Variants in NTM observed in about 807,000 individuals in gnomAD.
NTM encodes the protein IgLON family member 2.
NTM carries 13 observed loss-of-function variants against 42.1 expected under a neutral mutation model. The ratio of observed to expected loss-of-function variants is 0.31; its 90% CI spans 0.20 to 0.49. The LOEUF is 0.49. Ranked by LOEUF, NTM falls within the 20% of genes least tolerant of loss-of-function variation. NTM has a pLI of 0.99. For missense variants in NTM, 373 were observed against 452.8 expected (o/e 0.82, Z 1.60); for synonymous variants, 187 against 179.2 (o/e 1.04, Z -0.35).
chr11:132,076,930 C>G (rs2058443362), intron 2 of NTM, among the ~76,000 whole-genome samples: 1 of 151,880 alleles, frequency 6.6e-6, no homozygotes, highest in South Asian at 2.1e-4. Flanking sequence ...GTCTTTTTTT[C>G]CAAAACATAA....
intron 1 of NTM, among the ~76,000 whole-genome samples, chr11:131,557,973 C>G (rs1246668293): frequency 6.6e-6 from 1 of 152,274 alleles, no homozygotes; most frequent in African/African-American, 2.4e-5. Context: ...AAAACAGTTA[C>G]CTACCAATGA....
chr11:132,051,641 G>A (rs1003919349), intron 2 of NTM, among the ~76,000 whole-genome samples: 3 of 152,154 alleles, frequency 2.0e-5, no homozygotes, highest in Admixed American at 1.3e-4. Flanking sequence ...CTGCTGGCAG[G>A]ACTGGCACAG....
At chr11:131,623,597 T>C (rs2062793304) in intron 1 of NTM, among the ~76,000 whole-genome samples, 2 of 152,196 alleles carry the variant, frequency 1.3e-5, no homozygotes, top group Non-Finnish European at 2.9e-5. Flanking sequence ...AGTAACTAAA[T>C]AAACAACTAA....
intron 1 of NTM, among the ~76,000 whole-genome samples, chr11:131,675,708 T>C (rs1472961777): frequency 1.3e-5 from 2 of 152,172 alleles, no homozygotes; most frequent in Admixed American, 6.5e-5. Context: ...ACCCACAGAC[T>C]GTCTGAGTAC....
chr11:131,542,394 T>C (rs1453753861), intron 1 of NTM, among the ~76,000 whole-genome samples: 3 of 152,204 alleles, frequency 2.0e-5, no homozygotes, highest in Non-Finnish European at 4.4e-5. Context: ...GCTTGATACA[T>C]GAAGACAGTG....
intron 1 of NTM, among the ~76,000 whole-genome samples, chr11:131,902,942 A>C (rs2053373000): frequency 6.6e-6 from 1 of 152,218 alleles, no homozygotes; most frequent in African/African-American, 2.4e-5. Context: ...AGAATATGCT[A>C]TGAACATATG....
At chr11:131,795,114 C>A in intron 1 of NTM, 2 of 512,366 alleles carry the variant, frequency 3.9e-6, no homozygotes, top group Non-Finnish European at 5.0e-6. Flanking sequence ...TTTACTTTTT[C>A]ATTAAAAGTA....
chr11:131,874,044 T>G (rs1429974884), intron 1 of NTM, among the ~76,000 whole-genome samples: 1 of 56,144 alleles, frequency 1.8e-5, no homozygotes, highest in East Asian at 5.4e-4. Context: ...TATATATATA[T>G]ATATATATAT....
At chr11:132,246,427 C>T (rs376511680) in intron 4 of NTM, among the ~76,000 whole-genome samples, 8 of 152,206 alleles carry the variant, frequency 5.3e-5, no homozygotes, top group Admixed American at 2.6e-4. Context: ...GAGCACCGCA[C>T]GGCCACAGAT....
At chr11:132,284,467 AG>A (rs775069870) in intron 4 of NTM, 1 of 152,902 alleles carries the variant, frequency 6.5e-6, no homozygotes, top group Non-Finnish European at 1.5e-5. Flanking sequence ...CAGTGACCTC[AG>A]TTTAACTGCA....
intron 2 of NTM, among the ~76,000 whole-genome samples, chr11:132,123,172 G>A (rs938063929): frequency 2.0e-5 from 3 of 152,090 alleles, no homozygotes; most frequent in African/African-American, 7.2e-5. Flanking sequence ...GAACTGTGAG[G>A]GATCAGCATG....
chr11:131,795,141 A>G (rs938503363), intron 1 of NTM: 2 of 427,998 alleles, frequency 4.7e-6, no homozygotes, highest in Admixed American at 6.4e-5. Context: ...TAAAGTATGC[A>G]TCTCAATCGC....
chr11:131,615,557 A>G (rs2061845904), intron 1 of NTM, among the ~76,000 whole-genome samples: 1 of 152,036 alleles, frequency 6.6e-6, no homozygotes, highest in South Asian at 2.1e-4. Flanking sequence ...TATTGGAGAG[A>G]TGGGATTTGA....
chr11:132,071,187 T>G (rs2057593717), intron 2 of NTM, among the ~76,000 whole-genome samples: 1 of 139,952 alleles, frequency 7.1e-6, no homozygotes, highest in Admixed American at 7.1e-5. Flanking sequence ...AGTTAACACG[T>G]CACACAGCCA....
intron 1 of NTM, among the ~76,000 whole-genome samples, chr11:131,742,595 T>TTAGA (rs147349435): frequency 0.19 from 29,304 of 152,060 alleles, 2,954 homozygotes; most frequent in East Asian, 0.31. Flanking sequence ...GTTTCCAGTA[T>TTAGA]TAAAGAGCAC....
chr11:131,600,383 A>G (rs1488339379), intron 1 of NTM, among the ~76,000 whole-genome samples: 3 of 152,192 alleles, frequency 2.0e-5, no homozygotes, highest in Non-Finnish European at 4.4e-5. Context: ...AAGTGATTAA[A>G]ATATATATTA....
At chr11:132,331,009 A>G (rs1053062033) in intron 8 of NTM, among the ~76,000 whole-genome samples, 1 of 152,174 alleles carries the variant, frequency 6.6e-6, no homozygotes, top group African/African-American at 2.4e-5. Context: ...TCCACATAGC[A>G]TTCATTCATT....
intron 1 of NTM, among the ~76,000 whole-genome samples, chr11:131,654,707 A>G (rs1179322701): frequency 6.6e-6 from 1 of 151,920 alleles, no homozygotes; most frequent in East Asian, 1.9e-4. Context: ...CTGGTTGTTA[A>G]AAAGGGCCTG....
intron 1 of NTM, among the ~76,000 whole-genome samples, chr11:131,713,379 G>A (rs371353141): frequency 6.6e-6 from 1 of 152,034 alleles, no homozygotes; most frequent in African/African-American, 2.4e-5. Context: ...TAGCTACATG[G>A]TCCAGCCTAG....
Sources: allele counts gnomAD v4.1 joint callset (sites outside exome capture counted in the v4.1 genomes callset), GRCh38; gene constraint gnomAD v4.1.1; transcripts MANE v1.5; gene names NCBI Gene and HGNC (gene_info 2026-07-23, HGNC 2026-07-21).